AMY2B: variants seen among roughly 807,000 people sequenced by gnomAD.
AMY2B encodes the protein amylase alpha 2B, also known as alpha-amylase 2B.
A neutral mutation model predicts 59.3 loss-of-function variants in AMY2B; 63 were observed. That is an observed-to-expected ratio of 1.06 (90% CI 0.87 to 1.31). The LOEUF (loss-of-function observed/expected upper bound fraction) is 1.31. AMY2B is among the 50% of genes most tolerant of loss of function. The pLI is 0.00. For missense variants in AMY2B, 635 were observed against 626.7 expected, an observed-to-expected ratio of 1.01 and a Z score of -0.14; for synonymous variants, 180 against 198.1, an observed-to-expected ratio of 0.91 and a Z score of 0.77.
intron 1 of AMY2B, among the ~76,000 whole-genome samples, chr1:103,564,800 T>A (rs1570639133): frequency 6.6e-6 from 1 of 152,292 alleles, no homozygotes; most frequent in East Asian, 1.9e-4. Flanking sequence ...TTCATATCTT[T>A]TTTTAATTGT....
At position 103,575,502 on chromosome 1, in the gene AMY2B, T is replaced by G; in HGVS notation, c.1063T>G (p.Ser355Ala). 6.2e-7 allele frequency: 1 copy of G among 1,613,820 alleles called. No homozygotes were observed. The highest frequency in any genetic ancestry group is 8.5e-7 in the Non-Finnish European group (1 of 1,179,792). Residue 355 changes from serine (S) to alanine (A), a missense_variant, in exon 7 of 10, where the codon TCA becomes GCA. By Grantham distance (99) the Ser-to-Ala change is moderately conservative (BLOSUM62 1). Coordinates refer to ENST00000684275, the MANE Select transcript of AMY2B (RefSeq NM_001387437.1). ...TCCTTATGGTTTTACACGAGTAATG[T>G]CAAGCTACCGTTGGCCAAGACAGTT... The part of the protein sequence containing the change: ...AHPYGFTRVM[S>A]SYRWPRQFQN...
chr1:103,570,225 G>C (rs1457807983), upstream of AMY2B: 8 of 521,452 alleles, frequency 1.5e-5, no homozygotes, highest in Non-Finnish European at 2.7e-5. Context: ...ACTTTGAGCA[G>C]TAGATGGCCA....
chr1:103,570,417 C>A (rs1047292871), upstream of AMY2B: 1 of 874,864 alleles, frequency 1.1e-6, no homozygotes, highest in Non-Finnish European at 1.9e-6. Flanking sequence ...CGTGGACATC[C>A]GCAAAGACCT....
At chr1:103,575,757 A>C in intron 7 of AMY2B, 1 of 665,374 alleles carries the variant, frequency 1.5e-6, no homozygotes, top group Non-Finnish European at 2.3e-6. Context: ...CATATGATAA[A>C]CATCCCCCTA....
rs1652239820 is a variant in AMY2B, at chr1:103,573,907, C to A, written c.713C>A (p.Pro238His). ...CATAATCTAAACAGTAACTGGTTCC[C>A]TGCAGGAAGTAAACCTTTCATTTAC... ...KLHNLNSNWFPAGSKPFIYQE... is the reference protein window; with the variant it reads ...KLHNLNSNWFHAGSKPFIYQE... The change falls in exon 4 of 10, where the codon CCT becomes CAT. Residue 238 changes from proline to histidine, a missense_variant. Coordinates refer to ENST00000684275, the MANE Select transcript of AMY2B (RefSeq NM_001387437.1). The A allele has an allele frequency of 6.2e-7, 1 of 1,613,630 alleles. No homozygotes were observed.
chr1:103,574,080 C>T, intron 4 of AMY2B, 142 bp downstream of exon 4: 5 of 1,508,416 alleles, frequency 3.3e-6, no homozygotes, highest in Non-Finnish European at 3.6e-6. Context: ...TCTTCACATA[C>T]AGCATATCTA....
At chr1:103,559,000 A>G (rs1191367997) in intron 1 of AMY2B, among the ~76,000 whole-genome samples, 1 of 152,204 alleles carries the variant, frequency 6.6e-6, no homozygotes, top group Non-Finnish European at 1.5e-5. Flanking sequence ...GTAATCTGAG[A>G]TGATGTAAAA....
chr1:103,563,637 G>A (rs1474567055), intron 1 of AMY2B, among the ~76,000 whole-genome samples: 1 of 152,068 alleles, frequency 6.6e-6, no homozygotes, highest in Admixed American at 6.6e-5. Flanking sequence ...TATTATATGT[G>A]TGTCTAACTC....
chr1:103,578,141 C>G (rs1212918566), intron 9 of AMY2B, among the ~76,000 whole-genome samples: 1 of 152,106 alleles, frequency 6.6e-6, no homozygotes, highest in Non-Finnish European at 1.5e-5. Flanking sequence ...ACAAAATACA[C>G]AAAGTAGTTA....
intron 1 of AMY2B, among the ~76,000 whole-genome samples, chr1:103,564,732 G>C (rs1329221727): frequency 3.3e-5 from 5 of 151,990 alleles, no homozygotes; most frequent in Non-Finnish European, 2.9e-5. Flanking sequence ...AGTATTTTTT[G>C]TTCCATTTCT....
At chr1:103,562,514 T>C (rs1366798205) in intron 1 of AMY2B, among the ~76,000 whole-genome samples, 1 of 152,156 alleles carries the variant, frequency 6.6e-6, no homozygotes, top group Non-Finnish European at 1.5e-5. Flanking sequence ...GAATTAAGAC[T>C]TTATTTTTTA....
intron 5 of AMY2B, 89 bp downstream of exon 5, chr1:103,574,482 T>G: frequency 6.3e-7 from 1 of 1,598,390 alleles, no homozygotes; most frequent in Non-Finnish European, 8.5e-7. Context: ...AACATTCTTT[T>G]TCAGACAACT....
At chr1:103,573,966 A>C (rs540690484) in intron 4 of AMY2B, 28 bp downstream of exon 4, 1 of 1,613,578 alleles carries the variant, frequency 6.2e-7, no homozygotes, top group South Asian at 1.1e-5. Context: ...TGCATATAAA[A>C]TATCATCTTA....
In AMY2B at chr1:103,573,223, G is replaced by T. The variant is rs1355621074; in HGVS notation, c.476G>T (p.Gly159Val). 6.2e-7 allele frequency: 1 copy of T among 1,613,554 alleles called. No homozygotes were observed. The highest frequency in any genetic ancestry group is 8.5e-7 in the Non-Finnish European group (1 of 1,179,678). Reference protein sequence around the residue: ...WDFNDGKCKTGSGDIENYNDA... With the variant: ...WDFNDGKCKTVSGDIENYNDA... ...TTTAATGATGGTAAATGTAAAACTGGAAGTGGAGATATCGAGAACTACAAT... is the reference window on the plus strand; with the variant it reads ...TTTAATGATGGTAAATGTAAAACTGTAAGTGGAGATATCGAGAACTACAAT... Residue 159 changes from glycine (G) to valine (V), a missense_variant, in exon 3 of 10, where the codon GGA becomes GTA. Gly to Val is a moderately radical substitution (Grantham distance 109). Coordinates refer to ENST00000684275, the MANE Select transcript of AMY2B (RefSeq NM_001387437.1).
At chr1:103,568,519 G>A (rs12743236), upstream of AMY2B, 1 of 152,088 alleles carries the variant, frequency 6.6e-6, no homozygotes, top group Non-Finnish European at 1.5e-5. Flanking sequence ...ATCATTAATG[G>A]AGAAATTTAA....
chr1:103,567,623 C>A (rs1028255873), upstream of AMY2B, among the ~76,000 whole-genome samples: 2 of 152,150 alleles, frequency 1.3e-5, no homozygotes, highest in Admixed American at 6.6e-5. Flanking sequence ...TACCCCTTTC[C>A]ACTCTTATCC....
chr1:103,560,424 C>A (rs1011509241), intron 1 of AMY2B, among the ~76,000 whole-genome samples: 4 of 152,100 alleles, frequency 2.6e-5, no homozygotes, highest in African/African-American at 9.7e-5. Context: ...GAATTTACAT[C>A]ATTTATTTGG....
chr1:103,559,199 G>T (rs868238680), intron 1 of AMY2B, among the ~76,000 whole-genome samples: 3 of 152,106 alleles, frequency 2.0e-5, no homozygotes, highest in African/African-American at 7.2e-5. Context: ...CATATATGAT[G>T]GTGGTCCAGT....
intron 9 of AMY2B, among the ~76,000 whole-genome samples, chr1:103,578,334 T>C (rs1652444171): frequency 6.6e-6 from 1 of 152,212 alleles, no homozygotes; most frequent in Admixed American, 6.6e-5. Flanking sequence ...ATAATATTTT[T>C]AAAGCATATG....
Sources: gnomAD v4.1 joint callset for allele counts (sites outside exome capture counted in the v4.1 genomes callset) on GRCh38, gnomAD v4.1.1 for gene constraint, MANE v1.5 for transcripts, NCBI Gene and HGNC (gene_info 2026-07-23, HGNC 2026-07-21) for gene names.